The following WDR75 variants were observed in gnomAD, a reference collection of about 807,000 sequenced individuals.
The protein encoded by WDR75 is WD repeat domain 75, also known as WD repeat-containing protein 75.
WDR75 carries 52 observed loss-of-function variants against 106.1 expected under a neutral mutation model. The ratio of observed to expected loss-of-function variants is 0.49; its 90% confidence interval spans 0.39 to 0.62. The LOEUF is 0.62. WDR75 is among the 20% of genes least tolerant of loss of function. The pLI is 0.00. For missense variants in WDR75, 905 were observed against 970.3 expected (o/e 0.93, Z 0.89); for synonymous variants, 333 against 335.5 (o/e 0.99, Z 0.08).
In WDR75 at chr2:189,474,719, T is replaced by G; in HGVS notation, c.2199T>G (p.Leu733=). 5 of 1,613,752 alleles carry G rather than the reference T, an allele frequency of 3.1e-6. No individual in the cohort carries two copies. The highest frequency in any genetic ancestry group is 4.2e-6 in the Non-Finnish European group (5 of 1,179,736). ...LTENIPAISE[L]LHTPAHVLPS... is the part of the protein sequence containing the mutation. ...CCGTGTTTTCTGTTTGACTCCAGCT[T>G]CTTCACACTCCAGCCCATGTCCTGC... The change falls in exon 20 of 21, where the codon CTT becomes CTG. Residue 733 remains leucine (L), a splice_region_variant and synonymous_variant. Transcript: ENST00000314761.
chr2:189,472,897 A>G (rs1687143866), intron 18 of WDR75, among the ~76,000 whole-genome samples: 1 of 147,646 alleles, frequency 6.8e-6, no homozygotes, highest in African/African-American at 2.5e-5. Context: ...ACAATAAAGT[A>G]TGCTAGAGGA....
At chr2:189,468,433 C>A (rs1441598427) in intron 14 of WDR75, 42 bp from the exon 15 acceptor site, 2 of 1,591,058 alleles carry the variant, frequency 1.3e-6, no homozygotes, top group South Asian at 1.1e-5. Flanking sequence ...ACTGAATTTG[C>A]TAGAACTGAC....
chr2:189,455,013 G>T (rs537302135), intron 4 of WDR75, among the ~76,000 whole-genome samples: 2 of 152,168 alleles, frequency 1.3e-5, no homozygotes, highest in African/African-American at 4.8e-5. Context: ...AGGCAAGATG[G>T]GTGGATCACT....
At chr2:189,453,004 CAAAAA>C (rs1223924728) in intron 4 of WDR75, among the ~76,000 whole-genome samples, 1 of 151,948 alleles carries the variant, frequency 6.6e-6, no homozygotes, top group Non-Finnish European at 1.5e-5. Context: ...TCTAAAAAGA[CAAAAA>C]GAAAGAAAAG....
At chr2:189,458,165 C>T (rs953135506) in intron 6 of WDR75, among the ~76,000 whole-genome samples, 2 of 152,052 alleles carry the variant, frequency 1.3e-5, no homozygotes, top group Non-Finnish European at 2.9e-5. Flanking sequence ...TCAGGTGATC[C>T]ACCCGCCTCA....
chr2:189,449,427 AG>A, intron 2 of WDR75: 2 of 1,223,880 alleles, frequency 1.6e-6, no homozygotes, highest in Non-Finnish European at 2.1e-6. Context: ...CCGTCCTCTG[AG>A]GGTTTGACAA....
In WDR75 at chr2:189,469,456, C is replaced by T. The variant is rs1171377448; in HGVS notation, c.1819+17C>T. 2.5e-6 allele frequency: 4 copies of T among 1,569,838 alleles called. No homozygotes were observed. The highest frequency in any genetic ancestry group is 2.6e-6 in the Non-Finnish European group (3 of 1,140,480). ...GTTCAGACTGTAAGTACAAACCACA[C>T]TTTGTAGTAAGAGAACATCTATGAC... On this transcript the variant is annotated intron_variant, in intron 16 of 20. Transcript: ENST00000314761.
At position 189,467,448 on chromosome 2, in the gene WDR75, T is replaced by C. The variant is rs1163308178; in HGVS notation, c.1448-20T>C. 1 of 1,581,156 alleles carries C rather than the reference T, an allele frequency of 6.3e-7. No individual in the cohort carries two copies. Among genetic ancestry groups the C allele is most frequent in the Non-Finnish European group, 8.6e-7 (1 of 1,163,168 alleles). On this transcript the variant is annotated intron_variant, in intron 13 of 20. Transcript: ENST00000314761. The stretch of plus-strand genomic sequence containing the variant: ...TAGCATTTACACAATTTCTGAACAT[T>C]ATGGCTTATATTTCCACAGAAAAAG...
intron 16 of WDR75, among the ~76,000 whole-genome samples, chr2:189,469,714 C>T (rs1056272074): frequency 6.6e-6 from 1 of 152,230 alleles, no homozygotes; most frequent in Admixed American, 6.6e-5. Context: ...TCCAACTGCC[C>T]CTGAGAAGCT....
Position 189,465,261 on chromosome 2 carries a change from CTAT to C in WDR75, c.1289+8_1289+10del. ...ATAATAAGAAAACACAAGGGTAATA[CTAT>C]CTGTGTAGCCACTTAATTTCAAAGT... On this transcript the variant is annotated splice_region_variant and intron_variant, in intron 12 of 20. Transcript: ENST00000314761. 1 of 1,596,948 alleles carries C rather than the reference CTAT, an allele frequency of 6.3e-7. No homozygotes were observed.
intron 11 of WDR75, 121 bp downstream of exon 11, chr2:189,464,082 T>A (rs941179449): frequency 2.5e-6 from 2 of 813,782 alleles, no homozygotes; most frequent in Non-Finnish European, 1.9e-6. Flanking sequence ...TTGAACATAG[T>A]ATTATCCGTG....
In WDR75 at chr2:189,466,506, A is replaced by G; in HGVS notation, c.1371A>G (p.Glu457=). ...GTTTCTGTAATGCAGAAAAATCTGAACAGCCCACCTTGGTTACAGCTAGCA... is the reference window on the plus strand; with the variant it reads ...GTTTCTGTAATGCAGAAAAATCTGAGCAGCCCACCTTGGTTACAGCTAGCA... ...ALCFCNAEKS[E]QPTLVTASKD... Residue 457 remains glutamate, a synonymous_variant, in exon 13 of 21, where the codon GAA becomes GAG. Coordinates refer to ENST00000314761, the MANE Select transcript of WDR75 (RefSeq NM_032168.3). 6.2e-7 allele frequency: 1 copy of G among 1,613,424 alleles called. No individual in the cohort carries two copies. The highest frequency in any genetic ancestry group is 1.1e-5 in the South Asian group (1 of 91,058).
intron 16 of WDR75, among the ~76,000 whole-genome samples, 176 bp downstream of exon 16, chr2:189,469,615 A>G (rs1410210872): frequency 5.9e-5 from 9 of 152,244 alleles, no homozygotes; most frequent in South Asian, 2.1e-4. Context: ...ACTTAGTTCT[A>G]GGAGAGCTCC....
In WDR75 at chr2:189,463,771, G is replaced by A. The variant is rs772996878; in HGVS notation, c.997+18G>A. On this transcript the variant is annotated intron_variant, in intron 10 of 20. Transcript: ENST00000314761. ...AGTGAAAGGTATTGCAGAACTCAGT[G>A]GATTTGGAATCATGAACATTTTAAA... is the stretch of plus-strand genomic sequence containing the variant. 5 of 1,613,654 alleles carry A rather than the reference G, an allele frequency of 3.1e-6. No homozygotes were observed. The East Asian group carries it at 8.9e-5, about 29-fold the overall frequency.
chr2:189,457,421 A>G (rs1686763903), intron 6 of WDR75, 40 bp downstream of exon 6: 4 of 1,304,208 alleles, frequency 3.1e-6, no homozygotes, highest in African/African-American at 1.5e-5. Context: ...TATTTGCTCA[A>G]GAGTTCTTTA....
intron 2 of WDR75, chr2:189,449,607 G>A: frequency 9.6e-7 from 1 of 1,039,248 alleles, no homozygotes; most frequent in Non-Finnish European, 1.2e-6. Flanking sequence ...ATTAGAGAAG[G>A]GCAGTTTTAT....
At position 189,475,277 on chromosome 2, in the gene WDR75, G is replaced by C; in HGVS notation, c.2353G>C (p.Glu785Gln). 1 of 1,613,264 alleles carries C rather than the reference G, an allele frequency of 6.2e-7. No individual in the cohort carries two copies. The highest frequency in any genetic ancestry group is 8.5e-7 in the Non-Finnish European group (1 of 1,179,542). The stretch of plus-strand genomic sequence containing the variant: ...AAAAGAAAGTGAAGATTCAGATGAA[G>C]AAAATGATTTTACCGAAAAAGTCCA... ...EEKESEDSDEENDFTEKVQDT... is the reference protein window; with the variant it reads ...EEKESEDSDEQNDFTEKVQDT... Residue 785 changes from glutamate to glutamine, a missense_variant, in exon 21 of 21, where the codon GAA becomes CAA. By Grantham distance (29) the Glu-to-Gln change is conservative. Coordinates refer to ENST00000314761, the MANE Select transcript of WDR75 (RefSeq NM_032168.3).
intron 9 of WDR75, among the ~76,000 whole-genome samples, chr2:189,463,193 A>G (rs537700262): frequency 6.6e-6 from 1 of 152,068 alleles, no homozygotes; most frequent in Non-Finnish European, 1.5e-5. Context: ...AGTGGCATGA[A>G]AAAGTTAAAC....
intron 5 of WDR75, among the ~76,000 whole-genome samples, chr2:189,457,032 AG>A (rs1686751354): frequency 6.6e-6 from 1 of 152,128 alleles, no homozygotes; most frequent in Non-Finnish European, 1.5e-5. Flanking sequence ...ACCTGAGGTC[AG>A]GAGTACGAGA....
Sources: gnomAD v4.1 joint callset for allele counts (sites outside exome capture counted in the v4.1 genomes callset) on GRCh38, gnomAD v4.1.1 for gene constraint, MANE v1.5 for transcripts, NCBI Gene and HGNC (gene_info 2026-07-23, HGNC 2026-07-21) for gene names.